DAAM2: variants seen among roughly 807,000 people sequenced by gnomAD.
The protein encoded by DAAM2 is disheveled-associated activator of morphogenesis 2.
A neutral mutation model predicts 120.7 loss-of-function variants in DAAM2; 39 were observed. That is an observed-to-expected ratio of 0.32 (90% CI 0.25 to 0.42). DAAM2 has a LOEUF of 0.42. Ranked by LOEUF, DAAM2 falls within the 10% of genes least tolerant of loss-of-function variation. The probability of loss-of-function intolerance (pLI) is 1.00; values close to 1 mark genes in which losing one functional copy is unlikely to be tolerated. For missense variants in DAAM2, 1,283 were observed against 1,401.7 expected, an observed-to-expected ratio of 0.92 and a Z score of 1.35; for synonymous variants, 488 against 524.9, an observed-to-expected ratio of 0.93 and a Z score of 0.96.
Position 39,878,697 on chromosome 6 carries a change from G to A in DAAM2, c.1545+109G>A, listed in dbSNP as rs1386275610. ...CCAAGGACCCCAGCATGAGGGAGAA[G>A]GGAGATGGAGACCTTGGGCCAGGAT... On this transcript the variant is annotated intron_variant, in intron 13 of 24. Transcript: ENST00000274867. This position sits in a 1 kb window ranked among gnomAD's most constrained non-coding sequence, Gnocchi z 5.0. 18 of 1,142,314 alleles carry A rather than the reference G, an allele frequency of 1.6e-5. No individual in the cohort carries two copies. The East Asian group carries it at 4.4e-4, about 28-fold the overall frequency. 70.8% of individuals were successfully genotyped at this position (1,142,314 alleles called of 1,614,324 possible).
In DAAM2 at chr6:39,902,260, C is replaced by T. The variant is rs1353257997; in HGVS notation, c.*223C>T. 2.9e-5 allele frequency: 13 copies of T among 448,188 alleles called. No homozygotes were observed. Among genetic ancestry groups the T allele is most frequent in the Non-Finnish European group, 7.8e-6 (2 of 255,168 alleles). The allele number at this position is 448,188 out of a possible 1,614,324, so 27.8% of individuals were successfully genotyped here. On this transcript the variant is annotated 3_prime_UTR_variant, in exon 25 of 25. Coordinates refer to ENST00000274867, the MANE Select transcript of DAAM2 (RefSeq NM_001201427.2). ...CATGATTCCTTCTGTGCCCTGGCCC[C>T]AGGTATTATTCTGAGGCTGCCTTGG...
chr6:39,888,045 T>A, intron 16 of DAAM2: 1 of 162,984 alleles, frequency 6.1e-6, no homozygotes. Flanking sequence ...TCCTCCTCCC[T>A]TTCTTCTCAC....
chr6:39,869,445 A>G (rs1764564252), intron 7 of DAAM2, among the ~76,000 whole-genome samples: 1 of 151,930 alleles, frequency 6.6e-6, no homozygotes, highest in Non-Finnish European at 1.5e-5. Context: ...AAATTAGCCA[A>G]GTGTGGTGGT....
In DAAM2 at chr6:39,891,729, C is replaced by T; in HGVS notation, c.2341+7C>T. ...GCAAAGCCCAAAGTGGAAGGTAGGG[C>T]TGAGGGTTGCAGGAGGCTTAGAGTG... is the stretch of plus-strand genomic sequence containing the variant. On this transcript the variant is annotated splice_region_variant and intron_variant, in intron 19 of 24. Coordinates refer to ENST00000274867, the MANE Select transcript of DAAM2 (RefSeq NM_001201427.2). 1.3e-6 allele frequency: 2 copies of T among 1,593,488 alleles called. No individual in the cohort carries two copies. The highest frequency in any genetic ancestry group is 1.7e-6 in the Non-Finnish European group (2 of 1,169,780).
At chr6:39,891,547 TGAGAG>T in intron 18 of DAAM2, 82 bp from the exon 19 acceptor site, 1 of 1,515,502 alleles carries the variant, frequency 6.6e-7, no homozygotes, top group East Asian at 2.4e-5. Context: ...TGGGCAGGCT[TGAGAG>T]GAGACTGGAG....
chr6:39,867,122 T>C (rs888424213), intron 5 of DAAM2, among the ~76,000 whole-genome samples: 14 of 152,240 alleles, frequency 9.2e-5, no homozygotes, highest in African/African-American at 3.4e-4. Flanking sequence ...ACGCCATGAC[T>C]TGATGATTCT....
At position 39,887,238 on chromosome 6, in the gene DAAM2, A is replaced by T. The variant is rs562865829; in HGVS notation, c.1954-248A>T. On this transcript the variant is annotated intron_variant, in intron 15 of 24. Coordinates refer to ENST00000274867, the MANE Select transcript of DAAM2 (RefSeq NM_001201427.2). ...AATTTCTAAAAAAAATCTCTAAAAAAATAAAAAAAATAGGAAGGGGGGCTT... is the reference window on the plus strand; with the variant it reads ...AATTTCTAAAAAAAATCTCTAAAAATATAAAAAAAATAGGAAGGGGGGCTT... 35 of 414,856 alleles carry T rather than the reference A, an allele frequency of 8.4e-5. No individual in the cohort carries two copies. The South Asian group carries it at 1.0e-3, about 12-fold the overall frequency. 25.7% of individuals were successfully genotyped at this position (414,856 alleles called of 1,614,324 possible).
chr6:39,814,078 C>T (rs975008417), intron 1 of DAAM2, among the ~76,000 whole-genome samples: 9 of 152,100 alleles, frequency 5.9e-5, no homozygotes, highest in African/African-American at 1.7e-4. Flanking sequence ...GGGCTGCATG[C>T]GGCCCAGGAT....
chr6:39,861,550 AG>A, intron 3 of DAAM2: 1 of 218,980 alleles, frequency 4.6e-6, no homozygotes, highest in East Asian at 9.9e-5. Flanking sequence ...GCTGAGCTCC[AG>A]TGGGGCTTAA....
rs999322695 is a variant in DAAM2 at position 39,891,713 on chromosome 6, A to C, written c.2332A>C (p.Lys778Gln). ...FQERLAEAKP[K>Q]VEAILLASRE... Reference sequence around the variant, plus strand: ...GGAGCGGCTGGCTGAGGCAAAGCCCAAAGTGGAAGGTAGGGCTGAGGGTTG... The same window carrying C: ...GGAGCGGCTGGCTGAGGCAAAGCCCCAAGTGGAAGGTAGGGCTGAGGGTTG... Residue 778 changes from lysine to glutamine, a missense_variant, in exon 19 of 25, where the codon AAA becomes CAA. Lys to Gln is a moderately conservative substitution (Grantham distance 53, BLOSUM62 1). This residue lies in a region of DAAM2 where 748 missense variants were observed against 768.6 expected (regional missense o/e 0.97). Coordinates refer to ENST00000274867, the MANE Select transcript of DAAM2 (RefSeq NM_001201427.2). The C allele has an allele frequency of 3.1e-6, 5 of 1,602,136 alleles. No individual in the cohort carries two copies. The African/African-American group carries it at 6.7e-5, about 21-fold the overall frequency.
chr6:39,858,369 A>C (rs556440976), intron 2 of DAAM2, among the ~76,000 whole-genome samples: 1 of 152,160 alleles, frequency 6.6e-6, no homozygotes, highest in Non-Finnish European at 1.5e-5. Flanking sequence ...CTTAGACTAA[A>C]GTATTAGCAG....
At position 39,879,544 on chromosome 6, in the gene DAAM2, C is replaced by T. The variant is rs568316688; in HGVS notation, c.1845+67C>T. On this transcript the variant is annotated intron_variant, in intron 14 of 24. Coordinates refer to ENST00000274867, the MANE Select transcript of DAAM2 (RefSeq NM_001201427.2). ...GCAGGGCAGTCAGCCTCAGGGACCA[C>T]CCGCCCCTTGTTTACAGATCTCCAC... 13 of 1,600,266 alleles carry T rather than the reference C, an allele frequency of 8.1e-6. 1 individual carries two copies. The Admixed American group carries it at 2.2e-4, about 27-fold the overall frequency.
At chr6:39,900,045 A>G in intron 22 of DAAM2, 32 bp from the exon 23 acceptor site, 1 of 1,591,362 alleles carries the variant, frequency 6.3e-7, no homozygotes. Context: ...TCTTGGCACC[A>G]GTCTAAGCAG....
chr6:39,887,539 G>A lies in DAAM2; in HGVS notation c.2007G>A (p.Glu669=), dbSNP rs1182366032. The change falls in exon 16 of 25, where the codon GAG becomes GAA. Residue 669 remains glutamate, a synonymous_variant. Transcript: ENST00000274867. ...DIYLASRKVK[E]LSVIDGRRAQ... is the part of the protein sequence containing the mutation. Reference sequence around the variant, plus strand: ...ACCTGGCTTCCCGCAAGGTCAAAGAGCTGTCGGTCATTGATGGCCGGAGGG... The same window carrying A: ...ACCTGGCTTCCCGCAAGGTCAAAGAACTGTCGGTCATTGATGGCCGGAGGG... The A allele has an allele frequency of 3.1e-6, 5 of 1,613,814 alleles. No homozygotes were observed. Among genetic ancestry groups the A allele is most frequent in the African/African-American group, 1.3e-5 (1 of 74,944 alleles).
intron 1 of DAAM2, among the ~76,000 whole-genome samples, chr6:39,828,645 C>A (rs1762767846): frequency 6.6e-6 from 1 of 150,842 alleles, no homozygotes; most frequent in Non-Finnish European, 1.5e-5. Context: ...TCACTGCAGC[C>A]TCTGCCTCCC....
At chr6:39,801,890 A>T (rs554043358) in intron 1 of DAAM2, among the ~76,000 whole-genome samples, 1 of 152,302 alleles carries the variant, frequency 6.6e-6, no homozygotes, top group African/African-American at 2.4e-5. Flanking sequence ...CAGGGCAGGG[A>T]GGGGAGAAAG....
intron 16 of DAAM2, chr6:39,888,392 T>C (rs1343003848): frequency 8.6e-6 from 2 of 231,928 alleles, no homozygotes; most frequent in African/African-American, 2.2e-5. Context: ...CCCTTTGGTC[T>C]ACATTGAAGA....
intron 19 of DAAM2, among the ~76,000 whole-genome samples, chr6:39,895,456 G>C (rs7771321): frequency 0.09 from 13,627 of 151,864 alleles, 1,243 homozygotes; most frequent in East Asian, 0.25. Flanking sequence ...GGTTGTTCTC[G>C]AATGCCTGAC....
At chr6:39,801,236 C>T (rs1176190311) in intron 1 of DAAM2, among the ~76,000 whole-genome samples, 3 of 152,150 alleles carry the variant, frequency 2.0e-5, no homozygotes, top group Non-Finnish European at 4.4e-5. Flanking sequence ...ATTTTTCCCC[C>T]TGTGCTTTGT....
Sources: allele counts gnomAD v4.1 joint callset (sites outside exome capture counted in the v4.1 genomes callset), GRCh38; gene constraint gnomAD v4.1.1; regional missense constraint gnomAD v4.1.1; non-coding constraint Gnocchi (gnomAD v3.1); transcripts MANE v1.5; gene names NCBI Gene and HGNC (gene_info 2026-07-23, HGNC 2026-07-21).